Variants in SMPD3 observed in about 807,000 individuals in gnomAD.
SMPD3 encodes sphingomyelin phosphodiesterase 3.
In SMPD3, 21 loss-of-function variants were observed where a neutral mutation model predicts 55.7. The ratio of observed to expected loss-of-function variants is 0.38; its 90% confidence interval spans 0.27 to 0.54. The LOEUF (loss-of-function observed/expected upper bound fraction) is 0.54, where lower values mean the gene tolerates loss of function less well. Ranked by LOEUF, SMPD3 falls within the 20% of genes least tolerant of loss-of-function variation. The pLI is 0.80. For missense variants in SMPD3, 842 were observed against 899.6 expected (o/e 0.94, Z 0.82); for synonymous variants, 457 against 404.3 (o/e 1.13, Z -1.56).
At chr16:68,419,298 G>A (rs1426935756) in intron 1 of SMPD3, among the ~76,000 whole-genome samples, 1 of 152,224 alleles carries the variant, frequency 6.6e-6, no homozygotes, top group Non-Finnish European at 1.5e-5. Flanking sequence ...GCAGGGACTG[G>A]CTGAAGTTCT....
rs1868158 is a variant in SMPD3, at chr16:68,365,021, C to T, written c.1395G>A (p.Pro465=). The change falls in exon 4 of 9, where the codon CCG becomes CCA. Residue 465 remains proline, a synonymous_variant. Transcript: ENST00000219334. ...GYIACTHLHA[P]QEDSAIRCGQ... The stretch of plus-strand genomic sequence containing the variant: ...ACAGGTGGGCGGCAACCCTACCTTG[C>T]GGGGCATGCAGGTGTGTGCAGGCGA... 0.59 allele frequency: 958,993 copies of T among 1,613,752 alleles called. 287,480 individuals are homozygous for T. The highest frequency in any genetic ancestry group is 0.8 in the East Asian group (35,671 of 44,860).
At chr16:68,383,130 C>T (rs1021241631) in intron 2 of SMPD3, among the ~76,000 whole-genome samples, 1 of 152,202 alleles carries the variant, frequency 6.6e-6, no homozygotes, top group Non-Finnish European at 1.5e-5. Flanking sequence ...TGAGCCACTG[C>T]GCCCAGCCAG....
chr16:68,384,827 C>T (rs1014699556), intron 2 of SMPD3, among the ~76,000 whole-genome samples: 1 of 152,186 alleles, frequency 6.6e-6, no homozygotes, highest in African/African-American at 2.4e-5. Flanking sequence ...ATAGGAACCC[C>T]TGCCGACTGA....
At position 68,363,563 on chromosome 16, in the gene SMPD3, G is replaced by T; in HGVS notation, c.1646-4C>A. 1 of 1,612,526 alleles carries T rather than the reference G, an allele frequency of 6.2e-7. No individual in the cohort carries two copies. The highest frequency in any genetic ancestry group is 1.3e-5 in the African/African-American group (1 of 75,042). On this transcript the variant is annotated splice_polypyrimidine_tract_variant and splice_region_variant and intron_variant, in intron 6 of 8. Coordinates refer to ENST00000219334, the MANE Select transcript of SMPD3 (RefSeq NM_018667.4). ...CCGTTCGTGTCCAGCAGAGTACCTG[G>T]GGGGGACGAGGGGGTGACAGTGGTC...
chr16:68,433,418 G>A (rs2090496147), intron 1 of SMPD3, among the ~76,000 whole-genome samples: 1 of 152,214 alleles, frequency 6.6e-6, no homozygotes, highest in South Asian at 2.1e-4. Context: ...CAGTCAGCAG[G>A]CTGATGTACA....
chr16:68,419,568 C>G (rs1341924492), intron 1 of SMPD3, among the ~76,000 whole-genome samples: 1 of 152,212 alleles, frequency 6.6e-6, no homozygotes, highest in Non-Finnish European at 1.5e-5. Context: ...TCCTGTTACA[C>G]ATTTCCTTGC....
intron 3 of SMPD3, chr16:68,367,541 A>G (rs1045032211): frequency 3.9e-5 from 6 of 152,228 alleles, no homozygotes; most frequent in African/African-American, 1.2e-4. Context: ...CCTCTCACTC[A>G]TCCAACACTT....
At position 68,371,246 on chromosome 16, in the gene SMPD3, A is replaced by G; in HGVS notation, c.936T>C (p.Ser312=). The G allele has an allele frequency of 6.2e-7, 1 of 1,606,504 alleles. No homozygotes were observed. Among genetic ancestry groups the G allele is most frequent in the Non-Finnish European group, 8.5e-7 (1 of 1,177,782 alleles). Residue 312 remains serine (S), a synonymous_variant, in exon 3 of 9, where the codon AGT becomes AGC. Coordinates refer to ENST00000219334, the MANE Select transcript of SMPD3 (RefSeq NM_018667.4). Reference sequence around the variant, plus strand: ...TGTTGGCACCTGGCTCCCCGCTGGCACTGGTGTCTGGCCCAGCTCGCCCCT... The same window carrying G: ...TGTTGGCACCTGGCTCCCCGCTGGCGCTGGTGTCTGGCCCAGCTCGCCCCT... ...LVKGRAGPDT[S]ASGEPGANSK... is the part of the protein sequence containing the mutation.
intron 1 of SMPD3, among the ~76,000 whole-genome samples, chr16:68,400,728 C>A (rs554271065): frequency 6.6e-6 from 1 of 152,190 alleles, no homozygotes; most frequent in Non-Finnish European, 1.5e-5. Flanking sequence ...CCTCTCCAGC[C>A]CCGACAAAGG....
chr16:68,370,883 G>C lies in SMPD3; in HGVS notation c.1299C>G (p.Ala433=). Residue 433 remains alanine, a synonymous_variant, in exon 3 of 9, where the codon GCC becomes GCG. Coordinates refer to ENST00000219334, the MANE Select transcript of SMPD3 (RefSeq NM_018667.4). The part of the protein sequence containing the change: ...YPNKCNDDAL[A]SKGALFLKVQ... ...CCTTGAGAAACAGAGCTCCCTTAGA[G>C]GCCAGGGCATCGTCGTTACACTTGT... 1 of 1,613,884 alleles carries C rather than the reference G, an allele frequency of 6.2e-7. No homozygotes were observed. The highest frequency in any genetic ancestry group is 8.5e-7 in the Non-Finnish European group (1 of 1,179,892).
intron 1 of SMPD3, among the ~76,000 whole-genome samples, chr16:68,448,021 C>A (rs1322767608): frequency 6.6e-6 from 1 of 152,186 alleles, no homozygotes; most frequent in Non-Finnish European, 1.5e-5. Context: ...AACACCTCAT[C>A]CTCCCGTCCT....
At chr16:68,384,089 G>A (rs2090005348) in intron 2 of SMPD3, among the ~76,000 whole-genome samples, 1 of 152,210 alleles carries the variant, frequency 6.6e-6, no homozygotes. Context: ...GGTTGCCCAG[G>A]CACCTAGGCA....
Position 68,361,191 on chromosome 16 carries a change from G to A in SMPD3, c.*15C>T, listed in dbSNP as rs2279539. 873,147 of 1,608,458 alleles carry A rather than the reference G, an allele frequency of 0.54. 240,236 individuals are homozygous for A. Among genetic ancestry groups the A allele is most frequent in the East Asian group, 0.8 (35,476 of 44,614 alleles). On this transcript the variant is annotated 3_prime_UTR_variant, in exon 9 of 9. Transcript: ENST00000219334. ...AGCTGCAAGGGCTGGCAGAGGCCCCGCTGCTCCGGACGGTCTATGCCTCCT... is the reference window on the plus strand; with the variant it reads ...AGCTGCAAGGGCTGGCAGAGGCCCCACTGCTCCGGACGGTCTATGCCTCCT...
chr16:68,434,371 C>A (rs1179201703), intron 1 of SMPD3, among the ~76,000 whole-genome samples: 1 of 152,194 alleles, frequency 6.6e-6, no homozygotes, highest in Non-Finnish European at 1.5e-5. Flanking sequence ...AACAGTTATG[C>A]TTTCACAATT....
chr16:68,362,036 G>A (rs574113846), intron 7 of SMPD3, among the ~76,000 whole-genome samples: 2 of 152,294 alleles, frequency 1.3e-5, no homozygotes, highest in Admixed American at 6.5e-5. Context: ...TTCTGAACTC[G>A]GACAGAACTG....
intron 1 of SMPD3, among the ~76,000 whole-genome samples, chr16:68,419,453 A>T (rs1051609918): frequency 6.6e-6 from 1 of 152,226 alleles, no homozygotes. Context: ...CAGGCAGCTC[A>T]TTGTATATCA....
chr16:68,398,285 C>T (rs757290999), intron 1 of SMPD3, among the ~76,000 whole-genome samples: 12 of 152,156 alleles, frequency 7.9e-5, no homozygotes, highest in Admixed American at 2.0e-4. Flanking sequence ...TGAAATATAG[C>T]GCTGTTTTTA....
intron 1 of SMPD3, among the ~76,000 whole-genome samples, chr16:68,389,547 AAAT>A (rs1262566534): frequency 1.3e-5 from 2 of 152,210 alleles, no homozygotes; most frequent in East Asian, 3.8e-4. Context: ...ACAGGTCCAG[AAAT>A]AATGTTTGCA....
chr16:68,418,339 C>T (rs1004589901), intron 1 of SMPD3, among the ~76,000 whole-genome samples: 4 of 148,880 alleles, frequency 2.7e-5, no homozygotes, highest in African/African-American at 9.9e-5. Flanking sequence ...AACTAAGACT[C>T]TTTATGTAAA....
Sources: allele counts gnomAD v4.1 joint callset (sites outside exome capture counted in the v4.1 genomes callset), GRCh38; gene constraint gnomAD v4.1.1; transcripts MANE v1.5; gene names NCBI Gene and HGNC (gene_info 2026-07-23, HGNC 2026-07-21).